Variants in LDLRAD3 observed in about 807,000 individuals in gnomAD.
The protein encoded by LDLRAD3 is low density lipoprotein receptor class A domain containing 3, also known as low-density lipoprotein receptor class A domain-containing protein 3.
A neutral mutation model predicts 29.4 loss-of-function variants in LDLRAD3; 20 were observed. That is an observed-to-expected ratio of 0.68 (90% CI 0.48 to 0.99). The LOEUF is 0.99. Ranked by LOEUF, LDLRAD3 falls within the 50% of genes least tolerant of loss-of-function variation. The probability of loss-of-function intolerance (pLI) is 0.00; values close to 1 mark genes in which losing one functional copy is unlikely to be tolerated. For synonymous variants in LDLRAD3, 157 were observed against 192.7 expected, an observed-to-expected ratio of 0.81 and a Z score of 1.53; for missense variants, 420 against 454.3, an observed-to-expected ratio of 0.92 and a Z score of 0.69.
At chr11:36,143,926 C>T (rs1854125823) in intron 4 of LDLRAD3, among the ~76,000 whole-genome samples, 1 of 123,366 alleles carries the variant, frequency 8.1e-6, no homozygotes, top group Non-Finnish European at 1.7e-5. Context: ...CCCTCTCCCC[C>T]TCCCCCTCCC....
intron 2 of LDLRAD3, among the ~76,000 whole-genome samples, chr11:36,036,480 G>T (rs896741574): frequency 6.6e-5 from 10 of 152,144 alleles, no homozygotes; most frequent in Non-Finnish European, 8.8e-5. Flanking sequence ...AGAGCAGAAG[G>T]TTTTACCATC....
At chr11:36,176,099 G>A (rs761457203) in intron 4 of LDLRAD3, among the ~76,000 whole-genome samples, 3 of 152,134 alleles carry the variant, frequency 2.0e-5, no homozygotes, top group Admixed American at 6.5e-5. Context: ...TTTAAAGTCT[G>A]TTTTGTCTAT....
chr11:36,109,881 C>T (rs1421192720), intron 4 of LDLRAD3: 4 of 152,134 alleles, frequency 2.6e-5, no homozygotes, highest in East Asian at 3.9e-4. Context: ...TTAGAGAGTC[C>T]GTAGGAAAGA....
intron 2 of LDLRAD3, among the ~76,000 whole-genome samples, chr11:36,064,626 A>G (rs1210545724): frequency 1.3e-5 from 2 of 151,492 alleles, no homozygotes; most frequent in African/African-American, 2.4e-5. Context: ...GGCTAGTTCT[A>G]ATAGTTTTTT....
chr11:36,018,483 T>C (rs1205377740), intron 1 of LDLRAD3, among the ~76,000 whole-genome samples: 1 of 152,236 alleles, frequency 6.6e-6, no homozygotes, highest in Non-Finnish European at 1.5e-5. Flanking sequence ...TTCATTTACC[T>C]ATCTCCTCTT....
intron 2 of LDLRAD3, among the ~76,000 whole-genome samples, chr11:36,057,326 G>A (rs967765882): frequency 6.6e-6 from 1 of 150,826 alleles, no homozygotes; most frequent in African/African-American, 2.4e-5. Flanking sequence ...TTTCGCCGGG[G>A]GAGCCTAATC....
intron 1 of LDLRAD3, among the ~76,000 whole-genome samples, chr11:35,952,139 A>T (rs1379889044): frequency 6.6e-6 from 1 of 152,204 alleles, no homozygotes; most frequent in Non-Finnish European, 1.5e-5. Flanking sequence ...CGTTTTATAG[A>T]TGAGGAAACT....
intron 4 of LDLRAD3, among the ~76,000 whole-genome samples, chr11:36,148,348 G>A (rs928223310): frequency 6.6e-6 from 1 of 152,158 alleles, no homozygotes; most frequent in Non-Finnish European, 1.5e-5. Context: ...ACATCTGCGA[G>A]TGCTCAGATG....
At chr11:36,170,804 C>CT (rs763207036) in intron 4 of LDLRAD3, among the ~76,000 whole-genome samples, 6,275 of 138,282 alleles carry the variant, frequency 0.045, 190 homozygotes, top group Non-Finnish European at 0.069. Flanking sequence ...TGTATATCTT[C>CT]TTTTTTTTTT....
intron 1 of LDLRAD3, among the ~76,000 whole-genome samples, chr11:36,012,929 A>C (rs1405045920): frequency 6.6e-6 from 1 of 152,220 alleles, no homozygotes; most frequent in Non-Finnish European, 1.5e-5. Context: ...CAGAGGTTGG[A>C]AATTTATGCA....
At chr11:36,214,929 C>T (rs1855331434) in intron 4 of LDLRAD3, among the ~76,000 whole-genome samples, 1 of 152,206 alleles carries the variant, frequency 6.6e-6, no homozygotes, top group African/African-American at 2.4e-5. Flanking sequence ...AAGCAGAATT[C>T]AGTTCTGCCC....
rs551287062 is a variant in LDLRAD3 at position 36,033,488 on chromosome 11, A to G, written c.47-2615A>G. Among the ~76,000 whole-genome samples the G allele has an allele frequency of 3.3e-5, 5 of 152,326 alleles. No individual in the cohort carries two copies. In the East Asian group the frequency reaches 7.7e-4, roughly 23 times the overall value. Reference sequence around the variant, plus strand: ...TCTGGCCAATTTTCCCGCTCCAAAAATCTGTTTATCAGAACAAGATTTCAC... The same window carrying G: ...TCTGGCCAATTTTCCCGCTCCAAAAGTCTGTTTATCAGAACAAGATTTCAC... On this transcript the variant is annotated intron_variant, in intron 1 of 5. Transcript: ENST00000315571.
rs190942430 is a variant in LDLRAD3, at chr11:36,119,947, G to A, written c.454+21486G>A. Among the ~76,000 whole-genome samples the A allele has an allele frequency of 2.0e-3, 307 of 152,236 alleles. 9 individuals are homozygous for A. Among genetic ancestry groups the A allele is most frequent in the Admixed American group, 0.018 (281 of 15,294 alleles). ...GATTTACTCTTACATTTTCTTTTAA[G>A]AGTTTTGTAGTTTTAGCTCTTATTT... On this transcript the variant is annotated intron_variant, in intron 4 of 5. Coordinates refer to ENST00000315571, the MANE Select transcript of LDLRAD3 (RefSeq NM_174902.4).
intron 4 of LDLRAD3, among the ~76,000 whole-genome samples, chr11:36,122,617 C>T (rs566068548): frequency 6.6e-6 from 1 of 152,178 alleles, no homozygotes; most frequent in Admixed American, 6.5e-5. Context: ...TGCTGGGAAA[C>T]CAAAAGGAAA....
chr11:36,145,352 C>G, intron 4 of LDLRAD3, among the ~76,000 whole-genome samples: 1 of 99,854 alleles, frequency 1.0e-5, no homozygotes, highest in African/African-American at 4.8e-5. Context: ...GCCCCTCTGC[C>G]CGGCCAGCCG....
chr11:36,014,930 A>G (rs770101217), intron 1 of LDLRAD3, among the ~76,000 whole-genome samples: 7 of 152,248 alleles, frequency 4.6e-5, no homozygotes, highest in Non-Finnish European at 7.3e-5. Context: ...CCATGTGGAA[A>G]AGTTCAGTGA....
chr11:36,110,456 A>G (rs1046305083), intron 4 of LDLRAD3, among the ~76,000 whole-genome samples: 6 of 152,108 alleles, frequency 3.9e-5, no homozygotes, highest in African/African-American at 1.4e-4. Context: ...GCAGTCAGGG[A>G]TCAGGGGTAG....
At chr11:36,078,986 CTG>C (rs1853064796) in intron 2 of LDLRAD3, among the ~76,000 whole-genome samples, 1 of 152,178 alleles carries the variant, frequency 6.6e-6, no homozygotes, top group Non-Finnish European at 1.5e-5. Context: ...GAGGTTAAGA[CTG>C]TGGCAGAGGC....
chr11:36,085,112 C>T (rs1853175757), intron 3 of LDLRAD3, among the ~76,000 whole-genome samples: 1 of 152,166 alleles, frequency 6.6e-6, no homozygotes, highest in Non-Finnish European at 1.5e-5. Context: ...AGCAATTCTT[C>T]TGAAGTTGGC....
Sources: gnomAD v4.1 joint callset for allele counts (sites outside exome capture counted in the v4.1 genomes callset) on GRCh38, gnomAD v4.1.1 for gene constraint, MANE v1.5 for transcripts, NCBI Gene and HGNC (gene_info 2026-07-23, HGNC 2026-07-21) for gene names.